ITFG1: variants seen among roughly 807,000 people sequenced by gnomAD.
The protein encoded by ITFG1 is integrin alpha FG-GAP repeat containing 1, also known as T-cell immunomodulatory protein.
In ITFG1, 34 loss-of-function variants were observed where a neutral mutation model predicts 81.8. That is an observed-to-expected ratio of 0.42 (90% CI 0.32 to 0.55). ITFG1 has a LOEUF of 0.55. ITFG1 is among the 20% of genes least tolerant of loss of function. ITFG1 has a pLI of 0.17. For synonymous variants in ITFG1, 285 were observed against 270.6 expected (o/e 1.05, Z -0.52); for missense variants, 672 against 755.4 (o/e 0.89, Z 1.29).
chr16:47,286,283 C>T (rs375944135), intron 10 of ITFG1, among the ~76,000 whole-genome samples: 5 of 152,032 alleles, frequency 3.3e-5, no homozygotes, highest in African/African-American at 9.7e-5. Context: ...TTAACTGCCC[C>T]GTCAATTATA....
In ITFG1 at chr16:47,428,865, T is replaced by C. The variant is rs1474694513; in HGVS notation, c.594A>G (p.Thr198=). ...GAGAATGTGGAATTCGCATTTTACT[T>C]GTAGTGGTCAATGCTGGATGCCATG... is the stretch of plus-strand genomic sequence containing the variant. ...NLSWHPALTT[T]SKMRIPHSHA... The change falls in exon 6 of 18, where the codon ACA becomes ACG. Residue 198 remains threonine, a synonymous_variant. Transcript: ENST00000320640. The C allele has an allele frequency of 6.2e-7, 1 of 1,609,338 alleles. No individual in the cohort carries two copies. Among genetic ancestry groups the C allele is most frequent in the Non-Finnish European group, 8.5e-7 (1 of 1,177,262 alleles).
chr16:47,197,458 A>G (rs1157077715), intron 14 of ITFG1, among the ~76,000 whole-genome samples: 2 of 152,210 alleles, frequency 1.3e-5, no homozygotes, highest in Admixed American at 6.5e-5. Context: ...TTGCCTTTCC[A>G]GGCCAAATCA....
intron 14 of ITFG1, among the ~76,000 whole-genome samples, chr16:47,185,017 C>A (rs912290874): frequency 1.3e-5 from 2 of 150,968 alleles, no homozygotes; most frequent in African/African-American, 4.9e-5. Flanking sequence ...CAACAAAGAT[C>A]AAAAGAGACA....
intron 14 of ITFG1, among the ~76,000 whole-genome samples, chr16:47,192,943 G>A (rs1298581091): frequency 6.6e-6 from 1 of 152,168 alleles, no homozygotes; most frequent in Non-Finnish European, 1.5e-5. Flanking sequence ...CGCCCTTGAA[G>A]TGTTCCTACC....
chr16:47,223,803 T>C (rs1412445198), intron 13 of ITFG1, among the ~76,000 whole-genome samples: 1 of 152,090 alleles, frequency 6.6e-6, no homozygotes, highest in Non-Finnish European at 1.5e-5. Context: ...TAGCAAAGAC[T>C]TGGAACCAAC....
At chr16:47,354,104 A>G (rs1596923546) in intron 8 of ITFG1, among the ~76,000 whole-genome samples, 2 of 152,198 alleles carry the variant, frequency 1.3e-5, no homozygotes, top group South Asian at 4.1e-4. Flanking sequence ...AGTAATCTTA[A>G]GCAAAAAGAA....
intron 7 of ITFG1, among the ~76,000 whole-genome samples, chr16:47,368,712 T>C (rs1473502272): frequency 6.6e-6 from 1 of 152,072 alleles, no homozygotes; most frequent in African/African-American, 2.4e-5. Flanking sequence ...CTAACTGAAG[T>C]GAACAGATTA....
At chr16:47,445,580 T>G (rs952654878) in intron 5 of ITFG1, among the ~76,000 whole-genome samples, 2 of 152,204 alleles carry the variant, frequency 1.3e-5, no homozygotes, top group African/African-American at 4.8e-5. Context: ...CCATCTCACA[T>G]GCTCTTTTGC....
Position 47,218,928 on chromosome 16 carries a change from G to A in ITFG1, c.1393C>T (p.Pro465Ser), listed in dbSNP as rs1276735664. ...GTTGTATACATGATATAAGGTCCAG[G>A]TTGATTCACTCCAAAGGGCTGCAAT... Reference protein sequence around the residue: ...RKITPFGVNQPGPYIMYTTVD... With the variant: ...RKITPFGVNQSGPYIMYTTVD... Residue 465 changes from proline (P) to serine (S), a missense_variant, in exon 14 of 18, where the codon CCT (proline) becomes TCT (serine). By Grantham distance (74) the Pro-to-Ser change is moderately conservative. Transcript: ENST00000320640. 2 of 1,597,894 alleles carry A rather than the reference G, an allele frequency of 1.3e-6. No individual in the cohort carries two copies. Among genetic ancestry groups the A allele is most frequent in the Non-Finnish European group, 1.7e-6 (2 of 1,171,840 alleles).
chr16:47,402,476 GCTGTGGGGAGAACCTAAA>G (rs1157097721), intron 6 of ITFG1, among the ~76,000 whole-genome samples: 1 of 152,060 alleles, frequency 6.6e-6, no homozygotes, highest in Non-Finnish European at 1.5e-5. Context: ...CAAAATCAAG[GCTGTGGGGAGAACCTAAA>G]CTGTGCCCTG....
At chr16:47,304,374 T>C (rs1567452628) in intron 10 of ITFG1, among the ~76,000 whole-genome samples, 1 of 152,178 alleles carries the variant, frequency 6.6e-6, no homozygotes, top group Non-Finnish European at 1.5e-5. Context: ...ACAGGTCAAG[T>C]AAGTGACAAA....
At chr16:47,351,460 A>T (rs1967953531) in intron 8 of ITFG1, among the ~76,000 whole-genome samples, 1 of 152,220 alleles carries the variant, frequency 6.6e-6, no homozygotes. Context: ...TCCCATTCAC[A>T]ATGGCTTCAA....
At chr16:47,332,475 G>T (rs147920784) in intron 8 of ITFG1, among the ~76,000 whole-genome samples, 5 of 152,252 alleles carry the variant, frequency 3.3e-5, no homozygotes, top group African/African-American at 7.2e-5. Flanking sequence ...AAAGATCCCT[G>T]TAACTTGGTG....
intron 14 of ITFG1, among the ~76,000 whole-genome samples, chr16:47,176,222 G>A (rs1460796850): frequency 2.6e-5 from 4 of 152,182 alleles, no homozygotes; most frequent in African/African-American, 9.7e-5. Context: ...GGTTACACTT[G>A]GCAGAGTGAA....
intron 6 of ITFG1, among the ~76,000 whole-genome samples, chr16:47,409,391 TATATATATA>T (rs1265266293): frequency 1.5e-3 from 24 of 16,492 alleles, no homozygotes; most frequent in Non-Finnish European, 2.1e-3. Context: ...TATATATATA[TATATATATA>T]TATATTTTTT....
intron 10 of ITFG1, among the ~76,000 whole-genome samples, chr16:47,264,024 C>A (rs1162605894): frequency 6.6e-6 from 1 of 152,156 alleles, no homozygotes; most frequent in East Asian, 1.9e-4. Context: ...AGTCTTGCTT[C>A]TTTTTAGTCA....
intron 10 of ITFG1, among the ~76,000 whole-genome samples, chr16:47,288,316 T>C (rs560984123): frequency 4.6e-5 from 7 of 152,344 alleles, no homozygotes; most frequent in Middle Eastern, 3.4e-3. Context: ...TGTGTTTATA[T>C]ACCACATTGC....
chr16:47,391,806 A>G (rs1968534990), intron 6 of ITFG1, among the ~76,000 whole-genome samples: 1 of 152,198 alleles, frequency 6.6e-6, no homozygotes, highest in African/African-American at 2.4e-5. Flanking sequence ...TGGGAATCAG[A>G]ATTCAGTTAT....
At chr16:47,393,514 T>A (rs1380020853) in intron 6 of ITFG1, among the ~76,000 whole-genome samples, 4 of 152,108 alleles carry the variant, frequency 2.6e-5, no homozygotes, top group African/African-American at 9.7e-5. Context: ...GAGAATCACT[T>A]GAGGCCAGGA....
Sources: allele counts gnomAD v4.1 joint callset (sites outside exome capture counted in the v4.1 genomes callset), GRCh38; gene constraint gnomAD v4.1.1; transcripts MANE v1.5; gene names NCBI Gene and HGNC (gene_info 2026-07-23, HGNC 2026-07-21).